Variants in RUVBL1 observed in about 807,000 individuals in gnomAD.
RUVBL1 encodes ruvB-like 1.
Under a neutral mutation model 52.4 loss-of-function variants are expected in RUVBL1, and 4 were observed. The ratio of observed to expected loss-of-function variants is 0.08; its 90% confidence interval spans 0.04 to 0.17. The LOEUF (loss-of-function observed/expected upper bound fraction) is 0.17, where lower values mean the gene tolerates loss of function less well. Among genes scored for constraint, RUVBL1 ranks in the 10% least tolerant of loss-of-function variants. RUVBL1 has a pLI of 1.00. For missense variants in RUVBL1, 298 were observed against 572.8 expected (o/e 0.52, Z 4.90); for synonymous variants, 217 against 214.4 (o/e 1.01, Z -0.10).
At chr3:128,115,162 T>C (rs1230995868) in intron 2 of RUVBL1, among the ~76,000 whole-genome samples, 1 of 152,154 alleles carries the variant, frequency 6.6e-6, no homozygotes, top group East Asian at 1.9e-4. Context: ...ATCATCTAGT[T>C]TGTATTTTAT....
At chr3:128,069,881 C>T in intron 9 of RUVBL1, 1 of 548,992 alleles carries the variant, frequency 1.8e-6, no homozygotes, top group Middle Eastern at 4.9e-4. Context: ...AAATTTTATT[C>T]AGCCGACTGC....
upstream of RUVBL1, among the ~76,000 whole-genome samples, chr3:128,125,936 G>A (rs72970111): frequency 1.3e-5 from 2 of 152,172 alleles, no homozygotes; most frequent in Admixed American, 6.6e-5. Context: ...TAAGGAAAAA[G>A]ACTTTTTTTA....
At position 128,064,857 on chromosome 3, in the gene RUVBL1, G is replaced by A. The variant is rs41266491; in HGVS notation, c.*355C>T. On this transcript the variant is annotated 3_prime_UTR_variant, in exon 10 of 10. Transcript: ENST00000464873. ...GTTGCCTGTTCGTTCCTTCATATATGTCTCCTCCTCTGCCAACAGGAATGG... is the reference window on the plus strand; with the variant it reads ...GTTGCCTGTTCGTTCCTTCATATATATCTCCTCCTCTGCCAACAGGAATGG... The A allele has an allele frequency of 1.3e-6, 2 of 1,573,594 alleles. 1 individual carries two copies. The highest frequency in any genetic ancestry group is 2.4e-5 in the South Asian group (2 of 83,530).
intron 9 of RUVBL1, among the ~76,000 whole-genome samples, chr3:128,065,844 C>T (rs1041766376): frequency 4.1e-5 from 6 of 146,774 alleles, no homozygotes; most frequent in South Asian, 2.1e-4. Flanking sequence ...CAGGTTCAAG[C>T]GATTCTCCTG....
chr3:128,142,901 C>T (rs1944047479), intron 1 of RUVBL1, among the ~76,000 whole-genome samples: 1 of 152,174 alleles, frequency 6.6e-6, no homozygotes, highest in Non-Finnish European at 1.5e-5. Flanking sequence ...TCACCTCAGC[C>T]TCCAGAGTAG....
chr3:128,121,571 G>A lies in RUVBL1; in HGVS notation c.141+2013C>T, dbSNP rs180686163. Among the ~76,000 whole-genome samples the A allele has an allele frequency of 2.1e-3, 311 of 151,510 alleles. 2 individuals carry two copies. The highest frequency in any genetic ancestry group is 6.7e-3 in the African/African-American group (276 of 41,422). Reference sequence around the variant, plus strand: ...CTAAATATACAAAAATTAGCCGAGCGTGGTGGTAGGCGCCTGTAATCCCAG... The same window carrying A: ...CTAAATATACAAAAATTAGCCGAGCATGGTGGTAGGCGCCTGTAATCCCAG... On this transcript the variant is annotated intron_variant, in intron 1 of 10. Transcript: ENST00000322623.
intron 3 of RUVBL1, among the ~76,000 whole-genome samples, chr3:128,109,809 AT>A (rs60187195): frequency 1.4e-3 from 116 of 80,482 alleles, no homozygotes; most frequent in Middle Eastern, 0.016. Context: ...CTCTCTGTAA[AT>A]TTTTTTTTTT....
intron 1 of RUVBL1, among the ~76,000 whole-genome samples, chr3:128,150,441 CATATATGTATAT>C (rs1451646799): frequency 6.7e-5 from 10 of 148,976 alleles, no homozygotes; most frequent in Non-Finnish European, 1.0e-4. Flanking sequence ...AATATGTATA[CATATATGTATAT>C]ATATTCCATA....
At chr3:128,124,162 G>A (rs1373005169), upstream of RUVBL1, among the ~76,000 whole-genome samples, 1 of 152,030 alleles carries the variant, frequency 6.6e-6, no homozygotes, top group African/African-American at 2.4e-5. Flanking sequence ...GGAAACAGAA[G>A]AACTGAGGTT....
chr3:128,096,956 C>T (rs918935209), intron 8 of RUVBL1, among the ~76,000 whole-genome samples: 4 of 152,142 alleles, frequency 2.6e-5, no homozygotes, highest in Admixed American at 2.6e-4. Context: ...TAATGCCTAC[C>T]TCTCAGAGCG....
chr3:128,123,423 G>C (rs1047003710), intron 1 of RUVBL1, among the ~76,000 whole-genome samples, 161 bp downstream of exon 1: 1 of 152,118 alleles, frequency 6.6e-6, no homozygotes, highest in African/African-American at 2.4e-5. Flanking sequence ...GCTCCAGGGC[G>C]GCGCCCCTCC....
At chr3:128,077,885 A>T (rs1455967787), downstream of RUVBL1, among the ~76,000 whole-genome samples, 3 of 152,194 alleles carry the variant, frequency 2.0e-5, no homozygotes, top group Non-Finnish European at 4.4e-5. Context: ...ACTGCCTCTT[A>T]GTCTCTTGGG....
At position 128,104,778 on chromosome 3, in the gene RUVBL1, A is replaced by G; in HGVS notation, c.508T>C (p.Leu170=). 6.2e-7 allele frequency: 1 copy of G among 1,607,480 alleles called. No individual in the cohort carries two copies. The highest frequency in any genetic ancestry group is 8.5e-7 in the Non-Finnish European group (1 of 1,174,534). Residue 170 remains leucine (L), a synonymous_variant, in exon 4 of 11, where the codon TTG becomes CTG. Transcript: ENST00000322623. ...GGCCACATACATGTACTCACTTTCA[A>G]CTGTTTGGTTCCTTTGGCTGTTTTG... ...GLKTAKGTKQ[L]KLDPSIFESL...
chr3:128,148,554 G>A (rs67451924), intron 1 of RUVBL1, among the ~76,000 whole-genome samples: 45,372 of 151,838 alleles, frequency 0.3, 7,045 homozygotes, highest in South Asian at 0.37. Flanking sequence ...GGAGGCTCCT[G>A]GCTGCAGGCT....
At chr3:128,064,958 C>T (rs1941918722) in exon 10 of RUVBL1, 1 of 1,614,182 alleles carries the variant, frequency 6.2e-7, no homozygotes, top group Non-Finnish European at 8.5e-7. Flanking sequence ...CTTCGGGAGG[C>T]GTTCTACCGC....
At chr3:128,093,313 T>A (rs1333604326) in intron 8 of RUVBL1, among the ~76,000 whole-genome samples, 1 of 152,158 alleles carries the variant, frequency 6.6e-6, no homozygotes, top group East Asian at 1.9e-4. Flanking sequence ...TGATTAATGG[T>A]TGCCAGTGGA....
chr3:128,105,865 CTTTTTTTTTTTTT>C lies in RUVBL1; in HGVS notation c.362-954_362-942del, dbSNP rs11311563. 3.3e-3 allele frequency among the ~76,000 whole-genome samples: 291 copies of C among 88,924 alleles called. 3 individuals are homozygous for C. The highest frequency in any genetic ancestry group is 0.011 in the African/African-American group (261 of 23,884). 58.3% of individuals were successfully genotyped at this position (88,924 alleles called of 152,430 possible). A position where few individuals can be genotyped will look rare whatever the true frequency, so the allele number is the denominator to read the frequency against. On this transcript the variant is annotated intron_variant, in intron 3 of 10. Coordinates refer to ENST00000322623, the MANE Select transcript of RUVBL1 (RefSeq NM_003707.3). Reference sequence around the variant, plus strand: ...TCTTTCTTTCTTTCTTTCCCTTTTTCTTTTTTTTTTTTTTTTTTTTTTGAGATAGAATCTCATT... The same window carrying C: ...TCTTTCTTTCTTTCTTTCCCTTTTTCTTTTTTTTTGAGATAGAATCTCATT...
rs10574960 is a variant in RUVBL1 at position 128,080,992 on chromosome 3, T to TAGAGAG, written c.*252_*257dup. On this transcript the variant is annotated 3_prime_UTR_variant, in exon 11 of 11. Coordinates refer to ENST00000322623, the MANE Select transcript of RUVBL1 (RefSeq NM_003707.3). Reference sequence around the variant, plus strand: ...CTGAAAAGTTTATTTTTAAAAAACTTAGAGAGAGAGAGAGAGAGAATCAAA... The same window carrying TAGAGAG: ...CTGAAAAGTTTATTTTTAAAAAACTTAGAGAGAGAGAGAGAGAGAGAGAGAATCAAA... 2.6e-6 allele frequency: 1 copy of TAGAGAG among 386,710 alleles called. No homozygotes were observed. Among genetic ancestry groups the TAGAGAG allele is most frequent in the Admixed American group, 4.2e-5 (1 of 23,564 alleles). 24.0% of individuals were successfully genotyped at this position (386,710 alleles called of 1,614,324 possible).
chr3:128,123,435 C>A, intron 1 of RUVBL1, 149 bp downstream of exon 1: 1 of 1,042,148 alleles, frequency 9.6e-7, no homozygotes, highest in South Asian at 1.9e-5. Flanking sequence ...CGCCCCTCCC[C>A]GAGCCCCTGG....
Sources: gnomAD v4.1 joint callset for allele counts (sites outside exome capture counted in the v4.1 genomes callset) on GRCh38, gnomAD v4.1.1 for gene constraint, MANE v1.5 for transcripts, NCBI Gene and HGNC (gene_info 2026-07-23, HGNC 2026-07-21) for gene names.